Variants in ADAM22 observed in about 807,000 individuals in gnomAD.
ADAM22 encodes the protein ADAM metallopeptidase domain 22.
ADAM22 carries 65 observed loss-of-function variants against 144.6 expected under a neutral mutation model. The ratio of observed to expected loss-of-function variants is 0.45; its 90% confidence interval spans 0.37 to 0.55. The LOEUF is 0.55. Ranked by LOEUF, ADAM22 falls within the 20% of genes least tolerant of loss-of-function variation. ADAM22 has a pLI of 0.00. For synonymous variants in ADAM22, 391 were observed against 412.6 expected, an observed-to-expected ratio of 0.95 and a Z score of 0.63; for missense variants, 974 against 1,184.9, an observed-to-expected ratio of 0.82 and a Z score of 2.61.
At chr7:88,003,609 G>T (rs1793094251) in intron 3 of ADAM22, among the ~76,000 whole-genome samples, 1 of 152,120 alleles carries the variant, frequency 6.6e-6, no homozygotes, top group Non-Finnish European at 1.5e-5. Flanking sequence ...TTTCAAATTT[G>T]GGAAGCAAAG....
intron 1 of ADAM22, 119 bp from the exon 2 acceptor site, chr7:87,934,907 A>AG (rs1194318812): frequency 1.4e-6 from 2 of 1,401,628 alleles, no homozygotes; most frequent in Non-Finnish European, 2.0e-6. Flanking sequence ...TCCGAGAGGG[A>AG]GGGGGCGGTG....
At chr7:88,195,840 TAGTGATAGAAGTGGAGTGTATGGC>T in intron 31 of ADAM22, among the ~76,000 whole-genome samples, 1 of 151,922 alleles carries the variant, frequency 6.6e-6, no homozygotes, top group East Asian at 1.9e-4. Flanking sequence ...TTTAAGGAGG[TAGTGATAGAAGTGGAGTGTATGGC>T]AGTGATTTTC....
chr7:88,045,888 T>TTGTGTGTG (rs59898382), intron 3 of ADAM22, among the ~76,000 whole-genome samples: 8,171 of 133,894 alleles, frequency 0.061, 346 homozygotes, highest in Admixed American at 0.12. Context: ...TCGTATTCTA[T>TTGTGTGTG]TGTGTGTGTG....
At chr7:88,195,218 T>C (rs927191194) in intron 31 of ADAM22, among the ~76,000 whole-genome samples, 1 of 152,238 alleles carries the variant, frequency 6.6e-6, no homozygotes, top group Non-Finnish European at 1.5e-5. Flanking sequence ...AATAATTATA[T>C]CTAAATTCTA....
chr7:88,095,903 G>T (rs1389475899), intron 4 of ADAM22, among the ~76,000 whole-genome samples: 2 of 151,296 alleles, frequency 1.3e-5, no homozygotes, highest in Non-Finnish European at 2.9e-5. Context: ...AGAATTTTTT[G>T]TAAATACTCT....
At chr7:88,186,320 C>T in intron 29 of ADAM22, 1 of 346,448 alleles carries the variant, frequency 2.9e-6, no homozygotes, top group Non-Finnish European at 5.2e-6. Flanking sequence ...AATGGGACTG[C>T]TGACTGTACT....
At chr7:88,174,931 A>T (rs1363315672) in intron 26 of ADAM22, among the ~76,000 whole-genome samples, 1 of 151,958 alleles carries the variant, frequency 6.6e-6, no homozygotes, top group Non-Finnish European at 1.5e-5. Flanking sequence ...TGCATCTGTC[A>T]ATGTTACTTG....
At chr7:87,978,619 G>T (rs1217763943) in intron 3 of ADAM22, among the ~76,000 whole-genome samples, 1 of 152,154 alleles carries the variant, frequency 6.6e-6, no homozygotes, top group Non-Finnish European at 1.5e-5. Flanking sequence ...ACCTATAATA[G>T]AGTTAAGAAT....
intron 3 of ADAM22, among the ~76,000 whole-genome samples, chr7:88,065,828 A>G (rs1391194022): frequency 6.6e-6 from 1 of 152,148 alleles, no homozygotes; most frequent in Non-Finnish European, 1.5e-5. Flanking sequence ...ATTCTTAGAA[A>G]CAGAATTGCA....
At chr7:88,074,108 A>T (rs928806285) in intron 3 of ADAM22, among the ~76,000 whole-genome samples, 2 of 152,168 alleles carry the variant, frequency 1.3e-5, no homozygotes, top group African/African-American at 4.8e-5. Flanking sequence ...TGCTACAGTG[A>T]ACAAGACAGC....
At chr7:88,048,436 C>T (rs1438753509) in intron 3 of ADAM22, among the ~76,000 whole-genome samples, 4 of 152,088 alleles carry the variant, frequency 2.6e-5, no homozygotes, top group Non-Finnish European at 5.9e-5. Context: ...AAACTGCCTT[C>T]TATAAAGTCT....
intron 4 of ADAM22, among the ~76,000 whole-genome samples, chr7:88,100,781 G>C (rs762932686): frequency 3.3e-5 from 5 of 152,028 alleles, no homozygotes; most frequent in Non-Finnish European, 7.4e-5. Context: ...TTCTAAAGTG[G>C]TGGGATTACA....
intron 3 of ADAM22, among the ~76,000 whole-genome samples, chr7:87,992,496 G>A (rs1790143844): frequency 6.6e-6 from 1 of 152,176 alleles, no homozygotes. Context: ...TAGCAGTATG[G>A]AAGTTTGATT....
intron 3 of ADAM22, among the ~76,000 whole-genome samples, chr7:88,029,001 G>T (rs145351942): frequency 2.0e-4 from 31 of 151,716 alleles, no homozygotes; most frequent in African/African-American, 7.2e-4. Context: ...TATTTTTTGT[G>T]GATACATAGT....
At position 88,198,279 on chromosome 7, in the gene ADAM22, T is replaced by C. The variant is rs1240542932; in HGVS notation, c.*1788T>C. On this transcript the variant is annotated 3_prime_UTR_variant, in exon 32 of 32. Coordinates refer to ENST00000413139, the MANE Select transcript of ADAM22 (RefSeq NM_001324418.2). ...AGAAGGCAGCATTTTATACTGTGTG[T>C]TTATGTCTTCTGTAATGGACCTCTC... 2 of 152,236 alleles carry C rather than the reference T, an allele frequency of 1.3e-5. No individual in the cohort carries two copies. Among genetic ancestry groups the C allele is most frequent in the East Asian group, 1.9e-4 (1 of 5,194 alleles). The allele number at this position is 152,236 out of a possible 1,614,324, so 9.4% of individuals were successfully genotyped here.
chr7:88,093,986 T>C (rs1820604289), intron 4 of ADAM22, among the ~76,000 whole-genome samples: 1 of 152,038 alleles, frequency 6.6e-6, no homozygotes, highest in Non-Finnish European at 1.5e-5. Context: ...AGATTTACAG[T>C]GGAATAGAAA....
At chr7:88,074,864 C>A (rs899014335) in intron 3 of ADAM22, among the ~76,000 whole-genome samples, 4 of 152,130 alleles carry the variant, frequency 2.6e-5, no homozygotes, top group Admixed American at 2.6e-4. Flanking sequence ...ACCTTCAGTT[C>A]ACTTAAGGAG....
rs191425913 is a variant in ADAM22 at position 88,054,118 on chromosome 7, C to T, written c.324-21508C>T. Among the ~76,000 whole-genome samples the T allele has an allele frequency of 7.2e-5, 11 of 152,142 alleles. 1 individual carries two copies. The South Asian group carries it at 1.9e-3, about 26-fold the overall frequency. On this transcript the variant is annotated intron_variant, in intron 3 of 31. Transcript: ENST00000413139. ...CTGCACTTCAGCCTGAGCGACAGAGCGAGACTCCATCTCAAAAACAAAAAC... is the reference window on the plus strand; with the variant it reads ...CTGCACTTCAGCCTGAGCGACAGAGTGAGACTCCATCTCAAAAACAAAAAC...
chr7:87,949,245 T>C (rs1474355402), intron 2 of ADAM22, among the ~76,000 whole-genome samples: 1 of 152,076 alleles, frequency 6.6e-6, no homozygotes, highest in Admixed American at 6.6e-5. Flanking sequence ...TTGCTTCAAA[T>C]CTGAGTCAGG....
Sources: gnomAD v4.1 joint callset for allele counts (sites outside exome capture counted in the v4.1 genomes callset) on GRCh38, gnomAD v4.1.1 for gene constraint, MANE v1.5 for transcripts, NCBI Gene and HGNC (gene_info 2026-07-23, HGNC 2026-07-21) for gene names.